Variants in LRRC9 observed in about 807,000 individuals in gnomAD.
LRRC9 encodes the protein leucine rich repeat containing 9.
A neutral mutation model predicts 63.2 loss-of-function variants in LRRC9; 122 were observed. The observed-to-expected ratio is 1.93, with a 90% confidence interval of 1.67 to 2.24. The LOEUF (loss-of-function observed/expected upper bound fraction) is 2.24, where lower values mean the gene tolerates loss of function less well. Ranked by LOEUF, LRRC9 falls within the 30% of genes most tolerant of loss-of-function variation. The pLI is 0.00. For missense variants in LRRC9, 1,071 were observed against 627.7 expected, an observed-to-expected ratio of 1.71 and a Z score of -7.55; for synonymous variants, 366 against 213.1, an observed-to-expected ratio of 1.72 and a Z score of -6.25.
At chr14:59,956,973 T>G (rs945210017) in intron 8 of LRRC9, among the ~76,000 whole-genome samples, 1 of 152,204 alleles carries the variant, frequency 6.6e-6, no homozygotes, top group Non-Finnish European at 1.5e-5. Flanking sequence ...CTCTTCTGGC[T>G]TGTAGGGTTT....
At chr14:60,037,278 T>C (rs1320850949) in intron 29 of LRRC9, among the ~76,000 whole-genome samples, 11 of 152,268 alleles carry the variant, frequency 7.2e-5, no homozygotes, top group African/African-American at 2.6e-4. Context: ...TGGGTATATG[T>C]CCAGTAATGG....
At chr14:59,975,844 C>T (rs1886214258) in intron 13 of LRRC9, among the ~76,000 whole-genome samples, 1 of 152,198 alleles carries the variant, frequency 6.6e-6, no homozygotes, top group South Asian at 2.1e-4. Context: ...CCTACTAAAG[C>T]AGGGTCTCCA....
At chr14:59,951,756 T>C (rs201891800) in intron 8 of LRRC9, among the ~76,000 whole-genome samples, 3,641 of 151,028 alleles carry the variant, frequency 0.024, 143 homozygotes, top group African/African-American at 0.076. Flanking sequence ...AATACCCTGC[T>C]GTGTGAGGTG....
Position 60,060,197 on chromosome 14 carries a change from T to C in LRRC9, c.4276+2175T>C, listed in dbSNP as rs1319363189. On this transcript the variant is annotated intron_variant, in intron 31 of 31. Coordinates refer to ENST00000445360, the Ensembl canonical transcript of LRRC9. This position sits in a 1 kb window ranked among gnomAD's most constrained non-coding sequence, Gnocchi z 4.0. The stretch of plus-strand genomic sequence containing the variant: ...AAGCTTGGATAACAGCACATCTGTT[T>C]ACAGCATAGTTTACTAAGTATTTTA... 6.6e-6 allele frequency among the ~76,000 whole-genome samples: 1 copy of C among 152,256 alleles called. No homozygotes were observed. Among genetic ancestry groups the C allele is most frequent in the Non-Finnish European group, 1.5e-5 (1 of 68,042 alleles).
Position 60,016,674 on chromosome 14 carries a change from T to C in LRRC9, c.3201T>C (p.Thr1067=), listed in dbSNP as rs2140270713. ...TCTTCATATAGGAACCATCAGAGAC[T>C]GACAGTGCAAAAGATTTGTTTGGTG... Residue 1067 remains threonine, a synonymous_variant, in exon 24 of 32, where the codon ACT becomes ACC. Transcript: ENST00000445360. 4.3e-6 allele frequency: 3 copies of C among 699,506 alleles called. No individual in the cohort carries two copies. The East Asian group carries it at 8.1e-5, about 19-fold the overall frequency. The allele number at this position is 699,506 out of a possible 1,614,324, so 43.3% of individuals were successfully genotyped here.
chr14:60,013,203 T>C (rs1890398006), intron 23 of LRRC9, among the ~76,000 whole-genome samples: 1 of 149,826 alleles, frequency 6.7e-6, no homozygotes, highest in South Asian at 2.1e-4. Flanking sequence ...TAGATATACA[T>C]ATAGAGATAT....
chr14:60,030,081 A>G (rs1043752028), intron 28 of LRRC9, among the ~76,000 whole-genome samples: 1 of 152,116 alleles, frequency 6.6e-6, no homozygotes, highest in Non-Finnish European at 1.5e-5. Flanking sequence ...TTCTATCTGT[A>G]GATTCATACC....
chr14:59,943,736 C>T (rs1324188789), intron 7 of LRRC9, among the ~76,000 whole-genome samples: 2 of 151,878 alleles, frequency 1.3e-5, no homozygotes, highest in East Asian at 1.9e-4. Context: ...GTATTTGTTC[C>T]TATTCTGTCT....
At position 60,004,340 on chromosome 14, in the gene LRRC9, A is replaced by T. The variant is rs994354220; in HGVS notation, c.2842+542A>T. On this transcript the variant is annotated intron_variant, in intron 21 of 31. Coordinates refer to ENST00000445360, the Ensembl canonical transcript of LRRC9. The surrounding 1 kb of genome is among the most constrained non-coding windows in gnomAD (Gnocchi z 4.8). ...ATATAAAATTGAGGTTATATTTGGA[A>T]ATTTGAATACTTTAACAAGAAATGA... is the stretch of plus-strand genomic sequence containing the variant. Among the ~76,000 whole-genome samples, 3 of 152,120 alleles carry T rather than the reference A, an allele frequency of 2.0e-5. No homozygotes were observed. In the South Asian group the frequency reaches 6.2e-4, roughly 32 times the overall value.
chr14:60,065,662 AAAAACT>A, downstream of LRRC9, among the ~76,000 whole-genome samples: 1 of 110,796 alleles, frequency 9.0e-6, no homozygotes, highest in African/African-American at 3.1e-5. Flanking sequence ...AAAAAAAAAA[AAAAACT>A]GTAAAAGAGA....
At chr14:59,943,778 T>C (rs912736245) in intron 7 of LRRC9, among the ~76,000 whole-genome samples, 2 of 152,052 alleles carry the variant, frequency 1.3e-5, no homozygotes, top group Non-Finnish European at 2.9e-5. Flanking sequence ...AGGATCTTGA[T>C]TATCCACTCC....
At chr14:59,985,125 C>G in exon 17 of LRRC9, 1 of 682,916 alleles carries the variant, frequency 1.5e-6, no homozygotes. Context: ...TACATGGAAA[C>G]AGCTTGAGTA....
In LRRC9 at chr14:59,922,539, A is replaced by C. The variant is rs1252129721; in HGVS notation, c.-34+2656A>C. Among the ~76,000 whole-genome samples the C allele has an allele frequency of 1.3e-5, 2 of 152,214 alleles. No homozygotes were observed. The highest frequency in any genetic ancestry group is 2.9e-5 in the Non-Finnish European group (2 of 68,034). ...GCAATAAATGAAAGAGGAAAATTTG[A>C]CAGCAGTATTCTGAAAGAGACAGAT... is the stretch of plus-strand genomic sequence containing the variant. On this transcript the variant is annotated intron_variant, in intron 1 of 31. Transcript: ENST00000445360. The surrounding 1 kb of genome is among the most constrained non-coding windows in gnomAD (Gnocchi z 5.3).
exon 24 of LRRC9, chr14:60,016,764 A>T (rs920233880): frequency 1.9e-5 from 13 of 697,234 alleles, no homozygotes; most frequent in South Asian, 3.0e-5. Context: ...AAATGCAAGA[A>T]CTAAATTGGA....
Position 59,942,853 on chromosome 14 carries a change from C to T in LRRC9, c.727-1736C>T, listed in dbSNP as rs1317974514. ...ATATTGTGATTTTTATTTGCATTTC[C>T]ATGATGGTTAGTTAGTGATGTTGAG... On this transcript the variant is annotated intron_variant, in intron 7 of 31. Coordinates refer to ENST00000445360, the Ensembl canonical transcript of LRRC9. This position sits in a 1 kb window ranked among gnomAD's most constrained non-coding sequence, Gnocchi z 5.3. 6.6e-6 allele frequency among the ~76,000 whole-genome samples: 1 copy of T among 151,822 alleles called. No individual in the cohort carries two copies. Among genetic ancestry groups the T allele is most frequent in the African/African-American group, 2.4e-5 (1 of 41,316 alleles).
chr14:60,062,924 T>C (rs973848878), intron 31 of LRRC9, among the ~76,000 whole-genome samples: 1 of 150,382 alleles, frequency 6.6e-6, no homozygotes, highest in Non-Finnish European at 1.5e-5. Flanking sequence ...AGAGTTTCAC[T>C]CTTGTTGCCC....
intron 8 of LRRC9, among the ~76,000 whole-genome samples, chr14:59,945,078 T>C (rs1220175942): frequency 1.3e-5 from 2 of 151,880 alleles, no homozygotes; most frequent in African/African-American, 4.8e-5. Context: ...ATTATTAGAC[T>C]TATTCAGCTG....
At chr14:59,982,943 T>C (rs372283725) in intron 16 of LRRC9, among the ~76,000 whole-genome samples, 4 of 152,306 alleles carry the variant, frequency 2.6e-5, no homozygotes, top group South Asian at 4.1e-4. Flanking sequence ...ACATAGAATA[T>C]GGGATCTTTA....
chr14:60,024,246 A>C (rs1891342791), intron 27 of LRRC9, among the ~76,000 whole-genome samples: 1 of 152,094 alleles, frequency 6.6e-6, no homozygotes, highest in Admixed American at 6.6e-5. Context: ...GTTTGAACTA[A>C]TTTACACTCC....
Sources: gnomAD v4.1 joint callset for allele counts (sites outside exome capture counted in the v4.1 genomes callset) on GRCh38, gnomAD v4.1.1 for gene constraint, Gnocchi (gnomAD v3.1) non-coding constraint, MANE v1.5 for transcripts, NCBI Gene and HGNC (gene_info 2026-07-23, HGNC 2026-07-21) for gene names.